ANKRD30A: variants seen among roughly 807,000 people sequenced by gnomAD.
ANKRD30A encodes the protein ankyrin repeat domain-containing protein 30A.
In ANKRD30A, 170 loss-of-function variants were observed where a neutral mutation model predicts 166.3. The ratio of observed to expected loss-of-function variants is 1.02; its 90% CI spans 0.90 to 1.16. ANKRD30A has a LOEUF of 1.16. Among genes scored for constraint, ANKRD30A ranks in the 50% most tolerant of loss-of-function variants. The pLI is 0.00. For synonymous variants in ANKRD30A, 564 were observed against 508.9 expected, an observed-to-expected ratio of 1.11 and a Z score of -1.46; for missense variants, 1,630 against 1,518.0, an observed-to-expected ratio of 1.07 and a Z score of -1.23.
chr10:37,228,101 A>G (rs1031110583), intron 34 of ANKRD30A, among the ~76,000 whole-genome samples: 9 of 151,990 alleles, frequency 5.9e-5, no homozygotes, highest in African/African-American at 2.2e-4. Flanking sequence ...ATAGCTTCAT[A>G]CATATTTTTT....
At chr10:37,139,989 CACAA>C (rs570986655) in intron 6 of ANKRD30A, among the ~76,000 whole-genome samples, 163 of 152,242 alleles carry the variant, frequency 1.1e-3, no homozygotes, top group Middle Eastern at 6.8e-3. Flanking sequence ...TTCCTGAAAG[CACAA>C]ACAGTCAATT....
rs764166834 is a variant in ANKRD30A, at chr10:37,130,371, A to G, written c.503A>G (p.His168Arg). The change falls in exon 3 of 36, where the codon CAC becomes CGC. Residue 168 changes from histidine (H) to arginine (R), a missense_variant. Physicochemically the swap from His to Arg is conservative, Grantham distance 29. Coordinates refer to ENST00000361713, the MANE Select transcript of ANKRD30A (RefSeq NM_052997.3). ...LLSHGAVIEV[H>R]NKASLTPLLL... ...TCCCATGGTGCAGTCATCGAAGTGC[A>G]CAACAAGGTAGACACTAACCAATGT... 17 of 1,499,914 alleles carry G rather than the reference A, an allele frequency of 1.1e-5. No individual in the cohort carries two copies. The highest frequency in any genetic ancestry group is 1.5e-5 in the Non-Finnish European group (17 of 1,121,724). 92.9% of individuals were successfully genotyped at this position (1,499,914 alleles called of 1,614,324 possible). A position where few individuals can be genotyped will look rare whatever the true frequency, so the allele number is the denominator to read the frequency against.
intron 32 of ANKRD30A, among the ~76,000 whole-genome samples, chr10:37,217,043 A>G (rs1745713727): frequency 6.6e-6 from 1 of 151,012 alleles, no homozygotes; most frequent in Admixed American, 6.6e-5. Context: ...AATGCATACT[A>G]TTTTTATTCT....
rs553074101 is a variant in ANKRD30A at position 37,158,930 on chromosome 10, C to G, written c.1900+344C>G. On this transcript the variant is annotated intron_variant, in intron 15 of 35. Coordinates refer to ENST00000361713, the MANE Select transcript of ANKRD30A (RefSeq NM_052997.3). ...TTCAAAGGCTGATTGGAATTCCGAT[C>G]TTTACTTAGAAGAAAGTTTCACTTG... is the stretch of plus-strand genomic sequence containing the variant. Among the ~76,000 whole-genome samples, 98 of 152,238 alleles carry G rather than the reference C, an allele frequency of 6.4e-4. 4 individuals carry two copies. Among genetic ancestry groups the G allele is most frequent in the African/African-American group, 4.1e-4 (17 of 41,554 alleles).
intron 25 of ANKRD30A, 99 bp from the exon 26 acceptor site, chr10:37,192,965 C>T: frequency 4.7e-6 from 7 of 1,482,626 alleles, no homozygotes; most frequent in South Asian, 3.4e-5. Flanking sequence ...TTTTGCAATC[C>T]AAGCATGAGG....
chr10:37,230,697 T>C (rs1453024996), intron 34 of ANKRD30A, among the ~76,000 whole-genome samples: 2 of 152,146 alleles, frequency 1.3e-5, no homozygotes, highest in Non-Finnish European at 2.9e-5. Context: ...TGGTCTTGGG[T>C]ATTATCATTA....
chr10:37,166,919 C>G (rs561338300), intron 19 of ANKRD30A, among the ~76,000 whole-genome samples: 3 of 151,792 alleles, frequency 2.0e-5, no homozygotes, highest in Non-Finnish European at 4.4e-5. Context: ...TCAAGATATT[C>G]CAAGACGTGA....
intron 27 of ANKRD30A, among the ~76,000 whole-genome samples, chr10:37,194,438 T>A (rs1840886879): frequency 6.6e-6 from 1 of 151,372 alleles, no homozygotes. Context: ...CCTCCCGGGT[T>A]CACGCCATTC....
At chr10:37,243,783 T>C in the ANKRD30A span, among the ~76,000 whole-genome samples, 8 of 151,868 alleles carry the variant, frequency 5.3e-5, no homozygotes, top group Non-Finnish European at 1.2e-4. Context: ...TTGAAATCAA[T>C]GTGTGCTTTA....
At chr10:37,216,503 A>C in intron 32 of ANKRD30A, 109 bp downstream of exon 32, 1 of 1,077,902 alleles carries the variant, frequency 9.3e-7, no homozygotes, top group Non-Finnish European at 1.3e-6. Context: ...GGAGAAAAAA[A>C]TGTCTGTCTT....
At position 37,142,105 on chromosome 10, in the gene ANKRD30A, C is replaced by T. The variant is rs760497000; in HGVS notation, c.1208C>T (p.Ser403Phe). ...REIMSPAKET[S>F]EKFTWAAKGR... is the part of the protein sequence containing the mutation. ...ATTATGAGTCCCGCAAAAGAAACAT[C>T]TGAGAAATTTACGTGGGCAGCAAAA... Residue 403 changes from serine to phenylalanine, a missense_variant, in exon 7 of 36, where the codon TCT becomes TTT. Coordinates refer to ENST00000361713, the MANE Select transcript of ANKRD30A (RefSeq NM_052997.3). The T allele has an allele frequency of 3.1e-6, 5 of 1,611,606 alleles. No homozygotes were observed. Among genetic ancestry groups the T allele is most frequent in the Non-Finnish European group, 4.2e-6 (5 of 1,179,426 alleles).
the ANKRD30A span, chr10:37,242,034 C>A: frequency 6.6e-6 from 1 of 152,066 alleles, no homozygotes; most frequent in South Asian, 2.1e-4. Context: ...AGATTTAATT[C>A]TTAGATTCTT....
downstream of ANKRD30A, among the ~76,000 whole-genome samples, chr10:37,236,404 C>T (rs1249698695): frequency 6.6e-6 from 1 of 152,162 alleles, no homozygotes; most frequent in African/African-American, 2.4e-5. Context: ...GAAAGAATTG[C>T]TTGACATGGC....
At chr10:37,153,834 A>G (rs1381296833) in intron 13 of ANKRD30A, among the ~76,000 whole-genome samples, 172 bp downstream of exon 13, 1 of 152,176 alleles carries the variant, frequency 6.6e-6, no homozygotes, top group Non-Finnish European at 1.5e-5. Context: ...GCAACAGACT[A>G]TATTGAGAGT....
intron 34 of ANKRD30A, among the ~76,000 whole-genome samples, chr10:37,227,489 C>T (rs955875175): frequency 1.3e-5 from 2 of 151,960 alleles, no homozygotes; most frequent in Non-Finnish European, 2.9e-5. Context: ...ACATTGATCT[C>T]TCTATTCTTA....
At chr10:37,162,581 C>A (rs878856570) in intron 15 of ANKRD30A, 68 bp from the exon 16 acceptor site, 4 of 1,581,548 alleles carry the variant, frequency 2.5e-6, no homozygotes, top group African/African-American at 1.3e-5. Context: ...AATACTATCA[C>A]GGCATTCATT....
chr10:37,233,419 A>G (rs564452824), downstream of ANKRD30A, among the ~76,000 whole-genome samples: 233 of 152,268 alleles, frequency 1.5e-3, no homozygotes, highest in Non-Finnish European at 2.9e-3. Flanking sequence ...TTCCAGAATA[A>G]TCAGCTCATG....
chr10:37,259,485 G>A, the ANKRD30A span, among the ~76,000 whole-genome samples: 1 of 152,146 alleles, frequency 6.6e-6, no homozygotes. Flanking sequence ...TTAAGACCCA[G>A]CAATTTCATA....
At chr10:37,216,963 T>C (rs1344854773) in intron 32 of ANKRD30A, among the ~76,000 whole-genome samples, 1 of 151,048 alleles carries the variant, frequency 6.6e-6, no homozygotes, top group Admixed American at 6.6e-5. Flanking sequence ...AGAAAATGTA[T>C]AATAATTTAT....
Sources: allele counts gnomAD v4.1 joint callset (sites outside exome capture counted in the v4.1 genomes callset), GRCh38; gene constraint gnomAD v4.1.1; transcripts MANE v1.5; gene names NCBI Gene and HGNC (gene_info 2026-07-23, HGNC 2026-07-21).